The following CACNA2D3 variants were observed in gnomAD, a reference collection of about 807,000 sequenced individuals.
CACNA2D3 encodes voltage-dependent calcium channel subunit alpha-2/delta-3.
A neutral mutation model predicts 160.6 loss-of-function variants in CACNA2D3; 60 were observed. That is an observed-to-expected ratio of 0.37 (90% CI 0.30 to 0.46). The LOEUF (loss-of-function observed/expected upper bound fraction) is 0.46. Among genes scored for constraint, CACNA2D3 ranks in the 20% least tolerant of loss-of-function variants. The pLI is 1.00. For synonymous variants in CACNA2D3, 558 were observed against 492.9 expected, an observed-to-expected ratio of 1.13 and a Z score of -1.75; for missense variants, 1,205 against 1,365.0, an observed-to-expected ratio of 0.88 and a Z score of 1.85.
intron 3 of CACNA2D3, among the ~76,000 whole-genome samples, chr3:54,375,839 C>T (rs1699003412): frequency 6.6e-6 from 1 of 151,984 alleles, no homozygotes; most frequent in South Asian, 2.1e-4. Context: ...GAAGAGATGG[C>T]CGTGGCTTTG....
chr3:54,204,796 GAA>G (rs57129457), intron 2 of CACNA2D3, among the ~76,000 whole-genome samples: 3,410 of 72,930 alleles, frequency 0.047, 45 homozygotes, highest in East Asian at 0.21. Context: ...ATGCTGTCTT[GAA>G]AAAAAAAAAA....
At chr3:54,392,603 C>A (rs909120650) in intron 4 of CACNA2D3, among the ~76,000 whole-genome samples, 5 of 152,084 alleles carry the variant, frequency 3.3e-5, no homozygotes. Context: ...TCCTCCTGGT[C>A]CTCACCAAGC....
chr3:54,550,618 T>A (rs1702140948), intron 5 of CACNA2D3, among the ~76,000 whole-genome samples: 1 of 152,202 alleles, frequency 6.6e-6, no homozygotes, highest in Non-Finnish European at 1.5e-5. Context: ...GGAAATCAGT[T>A]TTAGTCTGCA....
intron 2 of CACNA2D3, among the ~76,000 whole-genome samples, chr3:54,306,621 A>G (rs1193094089): frequency 6.6e-6 from 1 of 152,132 alleles, no homozygotes; most frequent in Non-Finnish European, 1.5e-5. Context: ...GATCTTGGTG[A>G]GCCAGGTGGG....
At chr3:54,475,185 C>T (rs1700807450) in intron 4 of CACNA2D3, among the ~76,000 whole-genome samples, 1 of 152,164 alleles carries the variant, frequency 6.6e-6, no homozygotes, top group Non-Finnish European at 1.5e-5. Context: ...GCTTTGGTCT[C>T]ACCACCAAGC....
chr3:54,748,235 A>G (rs928524079), intron 11 of CACNA2D3, among the ~76,000 whole-genome samples: 1 of 152,140 alleles, frequency 6.6e-6, no homozygotes, highest in African/African-American at 2.4e-5. Flanking sequence ...TCCTTCCCCT[A>G]ATTTTAATGG....
At chr3:54,335,192 A>T (rs1704345364) in intron 3 of CACNA2D3, among the ~76,000 whole-genome samples, 1 of 152,208 alleles carries the variant, frequency 6.6e-6, no homozygotes, top group Non-Finnish European at 1.5e-5. Flanking sequence ...GGCAAATGCT[A>T]CTATTGCAGG....
intron 16 of CACNA2D3, 95 bp downstream of exon 16, chr3:54,838,743 T>C (rs1199487484): frequency 5.4e-6 from 5 of 920,128 alleles, no homozygotes; most frequent in Middle Eastern, 2.2e-4. Context: ...TTTGGAGCGA[T>C]GTTTTTGCTC....
At chr3:54,251,853 G>C (rs1017791892) in intron 2 of CACNA2D3, among the ~76,000 whole-genome samples, 1 of 152,156 alleles carries the variant, frequency 6.6e-6, no homozygotes, top group African/African-American at 2.4e-5. Context: ...GTCATAAAAC[G>C]ATTTCACTTA....
At chr3:54,869,939 A>G (rs561185421) in intron 17 of CACNA2D3, among the ~76,000 whole-genome samples, 1 of 152,264 alleles carries the variant, frequency 6.6e-6, no homozygotes, top group African/African-American at 2.4e-5. Flanking sequence ...AGTGGATCTG[A>G]TGTCATAAAA....
chr3:54,691,683 C>T (rs961610668), intron 11 of CACNA2D3, among the ~76,000 whole-genome samples: 3 of 152,212 alleles, frequency 2.0e-5, no homozygotes, highest in Non-Finnish European at 4.4e-5. Context: ...CTTCAGACCC[C>T]AGTGGCTTGG....
chr3:54,540,247 C>T (rs1701950868), intron 5 of CACNA2D3, among the ~76,000 whole-genome samples: 2 of 152,120 alleles, frequency 1.3e-5, no homozygotes, highest in Non-Finnish European at 2.9e-5. Flanking sequence ...TCCTCAAACC[C>T]AGATGCCTCC....
At chr3:54,195,826 T>C (rs151085707) in intron 2 of CACNA2D3, among the ~76,000 whole-genome samples, 4 of 152,282 alleles carry the variant, frequency 2.6e-5, no homozygotes, top group African/African-American at 9.6e-5. Flanking sequence ...TGGGGAATTG[T>C]CCCACACCCC....
chr3:54,164,484 T>C, intron 2 of CACNA2D3, among the ~76,000 whole-genome samples: 1 of 152,236 alleles, frequency 6.6e-6, no homozygotes, highest in East Asian at 1.9e-4. Flanking sequence ...TTTGTCATTT[T>C]ACTTTCTCAA....
At chr3:54,917,233 T>C (rs562122485) in intron 27 of CACNA2D3, among the ~76,000 whole-genome samples, 1 of 152,278 alleles carries the variant, frequency 6.6e-6, no homozygotes, top group African/African-American at 2.4e-5. Context: ...AATAGCCAGC[T>C]CCCCTACTGC....
At chr3:54,127,304 G>C (rs1046866044) in intron 2 of CACNA2D3, among the ~76,000 whole-genome samples, 2 of 152,212 alleles carry the variant, frequency 1.3e-5, no homozygotes, top group African/African-American at 4.8e-5. Context: ...ATCTTGGAAT[G>C]CACAATCTGT....
Position 54,130,828 on chromosome 3 carries a change from A to C in CACNA2D3, c.204+7234A>C, listed in dbSNP as rs187781816. On this transcript the variant is annotated intron_variant, in intron 2 of 37. Coordinates refer to ENST00000474759, the MANE Select transcript of CACNA2D3 (RefSeq NM_018398.3). ...AAACATCTGGGATATTAATTCAGAA[A>C]CAATTAAAGCCTGGGTTAACAGCTG... Among the ~76,000 whole-genome samples, 731 of 152,374 alleles carry C rather than the reference A, an allele frequency of 4.8e-3. 1 individual carries two copies. Among genetic ancestry groups the C allele is most frequent in the Non-Finnish European group, 7.5e-3 (509 of 68,036 alleles).
intron 10 of CACNA2D3, among the ~76,000 whole-genome samples, chr3:54,641,508 T>G (rs1028562440): frequency 6.6e-6 from 1 of 152,192 alleles, no homozygotes; most frequent in African/African-American, 2.4e-5. Flanking sequence ...AAAGTCTTAG[T>G]TGAATCTCTC....
intron 26 of CACNA2D3, among the ~76,000 whole-genome samples, chr3:54,897,298 A>G (rs558236263): frequency 2.0e-5 from 3 of 152,298 alleles, no homozygotes; most frequent in African/African-American, 7.2e-5. Flanking sequence ...CTAAGGACTG[A>G]CTTTGTATAA....
Sources: gnomAD v4.1 joint callset for allele counts (sites outside exome capture counted in the v4.1 genomes callset) on GRCh38, gnomAD v4.1.1 for gene constraint, MANE v1.5 for transcripts, NCBI Gene and HGNC (gene_info 2026-07-23, HGNC 2026-07-21) for gene names.